The following PRKAA1 variants were observed in gnomAD, a reference collection of about 807,000 sequenced individuals.
The protein encoded by PRKAA1 is protein kinase AMP-activated catalytic subunit alpha 1.
PRKAA1 carries 23 observed loss-of-function variants against 56.9 expected under a neutral mutation model. The ratio of observed to expected loss-of-function variants is 0.40; its 90% CI spans 0.29 to 0.57. PRKAA1 has a LOEUF of 0.57. Ranked by LOEUF, PRKAA1 falls within the 20% of genes least tolerant of loss-of-function variation. PRKAA1 has a pLI of 0.39. For synonymous variants in PRKAA1, 226 were observed against 227.0 expected (o/e 1.00, Z 0.04); for missense variants, 413 against 679.7 (o/e 0.61, Z 4.36).
chr5:40,786,786 CAAAAAAA>C (rs34749478), intron 1 of PRKAA1, among the ~76,000 whole-genome samples: 10 of 43,500 alleles, frequency 2.3e-4, no homozygotes, highest in Non-Finnish European at 3.2e-4. Flanking sequence ...ACTAAAAATA[CAAAAAAA>C]AAAAAAAAAA....
chr5:40,777,704 C>T (rs1269671920), intron 1 of PRKAA1, 118 bp from the exon 2 acceptor site: 5 of 932,710 alleles, frequency 5.4e-6, no homozygotes, highest in Middle Eastern at 3.3e-4. Flanking sequence ...GAGGCCGAGG[C>T]GAGTAGATCA....
chr5:40,781,505 C>T (rs1276370509), intron 1 of PRKAA1, among the ~76,000 whole-genome samples: 2 of 151,932 alleles, frequency 1.3e-5, no homozygotes, highest in South Asian at 2.1e-4. Context: ...ATGGAGAAGG[C>T]CTAGAAGGCA....
At chr5:40,764,688 A>C in intron 7 of PRKAA1, 48 bp from the exon 8 acceptor site, 1 of 1,605,156 alleles carries the variant, frequency 6.2e-7, no homozygotes, top group Non-Finnish European at 8.5e-7. Context: ...TTCTTCTATA[A>C]AACATTTTAT....
chr5:40,764,799 T>C lies in PRKAA1; in HGVS notation c.1261A>G (p.Met421Val). ...IRSQSRPNDI[M>V]AEVCRAIKQL... The stretch of plus-strand genomic sequence containing the variant: ...TTGATTGCTCTACATACTTCTGCCA[T>C]AATATCATTTGGTCGACTTTGACTT... The change falls in exon 7 of 9, where the codon ATG becomes GTG. Residue 421 changes from methionine to valine, a missense_variant. Met to Val is a conservative substitution (Grantham distance 21). Coordinates refer to ENST00000397128, the MANE Select transcript of PRKAA1 (RefSeq NM_006251.6). 6.2e-7 allele frequency: 1 copy of C among 1,613,948 alleles called. No individual in the cohort carries two copies.
chr5:40,783,104 A>G (rs1455367443), intron 1 of PRKAA1, among the ~76,000 whole-genome samples: 2 of 152,126 alleles, frequency 1.3e-5, no homozygotes, highest in African/African-American at 4.8e-5. Context: ...AAACACACAC[A>G]CAAATTACAT....
chr5:40,780,461 G>GAT (rs752565029), intron 1 of PRKAA1, among the ~76,000 whole-genome samples: 3 of 151,996 alleles, frequency 2.0e-5, no homozygotes, highest in African/African-American at 2.4e-5. Context: ...TAACCAATAA[G>GAT]ATATATATAT....
chr5:40,767,858 CAA>C lies in PRKAA1; in HGVS notation c.597-170_597-169del, dbSNP rs202208192. On this transcript the variant is annotated intron_variant, in intron 5 of 8. Coordinates refer to ENST00000397128, the MANE Select transcript of PRKAA1 (RefSeq NM_006251.6). ...ATTCCATCAGTATTATCTTTGAAAACAAAAGTCAAGAAGTTTGTAAATTACAC... is the reference window on the plus strand; with the variant it reads ...ATTCCATCAGTATTATCTTTGAAAACAAGTCAAGAAGTTTGTAAATTACAC... Among the ~76,000 whole-genome samples the C allele has an allele frequency of 2.6e-3, 80 of 31,096 alleles. 1 individual carries two copies. The East Asian group carries it at 0.062, about 24-fold the overall frequency. The allele number at this position is 31,096 out of a possible 152,430, so 20.4% of individuals were successfully genotyped here.
At chr5:40,790,430 T>TATATTTTTGCTCCCA (rs1298127748) in intron 1 of PRKAA1, among the ~76,000 whole-genome samples, 1 of 152,124 alleles carries the variant, frequency 6.6e-6, no homozygotes, top group East Asian at 1.9e-4. Flanking sequence ...AGGATAGGGC[T>TATATTTTTGCTCCCA]TTTTGCTCCC....
chr5:40,777,281 G>C, intron 2 of PRKAA1, 164 bp downstream of exon 2: 1 of 655,868 alleles, frequency 1.5e-6, no homozygotes, highest in Non-Finnish European at 2.4e-6. Context: ...CCAAAGTACT[G>C]GAATTACAGG....
chr5:40,792,762 A>C (rs1744767328), intron 1 of PRKAA1, among the ~76,000 whole-genome samples: 2 of 152,182 alleles, frequency 1.3e-5, no homozygotes, highest in Admixed American at 6.6e-5. Flanking sequence ...AGTTTTACAC[A>C]GAAATACTTA....
At chr5:40,780,057 G>A (rs1254040854) in intron 1 of PRKAA1, among the ~76,000 whole-genome samples, 1 of 152,090 alleles carries the variant, frequency 6.6e-6, no homozygotes, top group Non-Finnish European at 1.5e-5. Context: ...TGGCAGGGGA[G>A]CTTTCTTATA....
chr5:40,767,253 G>T (rs967039885), intron 6 of PRKAA1, among the ~76,000 whole-genome samples: 3 of 152,128 alleles, frequency 2.0e-5, no homozygotes, highest in African/African-American at 7.2e-5. Context: ...AGTAAAAAGT[G>T]AAAGCCCTCC....
intron 3 of PRKAA1, among the ~76,000 whole-genome samples, chr5:40,774,605 G>GAAATAGAAATGAATC (rs528253846): frequency 1.6e-3 from 223 of 141,528 alleles, no homozygotes; most frequent in African/African-American, 5.8e-3. Context: ...GGGAGTACCT[G>GAAATAGAAATGAATC]AAATAGAAAT....
Position 40,762,671 on chromosome 5 carries a change from C to G in PRKAA1, c.*107G>C. On this transcript the variant is annotated 3_prime_UTR_variant, in exon 9 of 9. Coordinates refer to ENST00000397128, the MANE Select transcript of PRKAA1 (RefSeq NM_006251.6). ...CCTGTGCAAATTGCATTCCAAAACG[C>G]CAGCCCTCGGTTATAATTATGTATA... The G allele has an allele frequency of 7.0e-7, 1 of 1,418,616 alleles. No individual in the cohort carries two copies. The highest frequency in any genetic ancestry group is 2.2e-5 in the Admixed American group (1 of 44,466). 87.9% of individuals were successfully genotyped at this position (1,418,616 alleles called of 1,614,324 possible).
chr5:40,766,687 A>G (rs1015813736), intron 6 of PRKAA1, among the ~76,000 whole-genome samples: 16 of 152,282 alleles, frequency 1.1e-4, no homozygotes, highest in African/African-American at 2.9e-4. Context: ...AGCCACCCAC[A>G]AATTTACTAC....
intron 1 of PRKAA1, among the ~76,000 whole-genome samples, chr5:40,788,274 G>T (rs1341350217): frequency 1.3e-5 from 2 of 152,160 alleles, no homozygotes; most frequent in African/African-American, 4.8e-5. Context: ...ATGTGGAAAG[G>T]ACAGTCTCTT....
chr5:40,767,994 T>C (rs1258900718), intron 5 of PRKAA1, among the ~76,000 whole-genome samples: 2 of 151,044 alleles, frequency 1.3e-5, no homozygotes, highest in Non-Finnish European at 3.0e-5. Flanking sequence ...CCATTGGTTT[T>C]TGTTACAGAG....
At chr5:40,766,520 AC>A (rs1213333803) in intron 6 of PRKAA1, among the ~76,000 whole-genome samples, 22 of 152,318 alleles carry the variant, frequency 1.4e-4, no homozygotes, top group Admixed American at 1.3e-3. Context: ...ATTAGGTTGA[AC>A]CAGATGAAAC....
chr5:40,790,017 A>G (rs546970207), intron 1 of PRKAA1: 1 of 152,214 alleles, frequency 6.6e-6, no homozygotes, highest in Non-Finnish European at 1.5e-5. Flanking sequence ...AAAAAGCGTA[A>G]GCATCCTGGG....
Sources: allele counts gnomAD v4.1 joint callset (sites outside exome capture counted in the v4.1 genomes callset), GRCh38; gene constraint gnomAD v4.1.1; transcripts MANE v1.5; gene names NCBI Gene and HGNC (gene_info 2026-07-23, HGNC 2026-07-21).